Variants in CSTPP1 observed in about 807,000 individuals in gnomAD.
CSTPP1 encodes centriolar satellite-associated tubulin polyglutamylase complex regulator 1, also known as UPF0705 protein C11orf49.
the CSTPP1 span, among the ~76,000 whole-genome samples, chr11:47,121,339 G>A: frequency 6.6e-6 from 1 of 152,104 alleles, no homozygotes; most frequent in Non-Finnish European, 1.5e-5. Flanking sequence ...TTAGCCACAC[G>A]AGCTTTTGTA....
the CSTPP1 span, among the ~76,000 whole-genome samples, chr11:47,150,890 T>G: frequency 1.4e-5 from 2 of 146,304 alleles, no homozygotes; most frequent in African/African-American, 2.5e-5. Context: ...AAGGTTTTTT[T>G]TTTTTTTTTT....
the CSTPP1 span, chr11:47,161,050 G>A: frequency 6.3e-7 from 1 of 1,582,650 alleles, no homozygotes; most frequent in African/African-American, 1.3e-5. Context: ...CAGCCGTGAA[G>A]GTGAGGGGCA....
chr11:47,102,236 T>G, the CSTPP1 span, among the ~76,000 whole-genome samples: 1 of 152,184 alleles, frequency 6.6e-6, no homozygotes, highest in Non-Finnish European at 1.5e-5. Flanking sequence ...AAAAGGATTT[T>G]GATCTCTTTT....
the CSTPP1 span, among the ~76,000 whole-genome samples, chr11:47,065,913 T>C: frequency 2.0e-5 from 3 of 151,892 alleles, no homozygotes; most frequent in Non-Finnish European, 4.4e-5. Flanking sequence ...CAGCATGTAA[T>C]TGATTTTTGT....
the CSTPP1 span, among the ~76,000 whole-genome samples, chr11:46,959,171 G>A: frequency 6.6e-6 from 1 of 150,560 alleles, no homozygotes; most frequent in Non-Finnish European, 1.5e-5. Flanking sequence ...AATATTAATT[G>A]TAGAGTTTCT....
chr11:47,107,858 C>T, the CSTPP1 span, among the ~76,000 whole-genome samples: 1 of 152,200 alleles, frequency 6.6e-6, no homozygotes, highest in East Asian at 1.9e-4. Context: ...GTACAATTCC[C>T]CCCCAGTTCC....
chr11:47,091,443 T>G, the CSTPP1 span, among the ~76,000 whole-genome samples: 1 of 152,172 alleles, frequency 6.6e-6, no homozygotes, highest in African/African-American at 2.4e-5. Flanking sequence ...CAAAGTGAAG[T>G]CTGAGTACCT....
chr11:47,160,293 CTG>C, the CSTPP1 span: 2 of 111,248 alleles, frequency 1.8e-5, no homozygotes, highest in Non-Finnish European at 1.7e-5. Context: ...AAGCAAAACT[CTG>C]TCTCAAAAAA....
the CSTPP1 span, among the ~76,000 whole-genome samples, chr11:47,032,867 A>T: frequency 6.6e-6 from 1 of 152,148 alleles, no homozygotes; most frequent in Non-Finnish European, 1.5e-5. Context: ...ATAATTTTGG[A>T]CTCACCAAGA....
chr11:47,099,171 G>A, the CSTPP1 span, among the ~76,000 whole-genome samples: 1 of 152,102 alleles, frequency 6.6e-6, no homozygotes, highest in African/African-American at 2.4e-5. Flanking sequence ...GTAACTTTGA[G>A]CGAATTATTT....
the CSTPP1 span, among the ~76,000 whole-genome samples, chr11:47,134,331 C>T: frequency 6.6e-6 from 1 of 152,128 alleles, no homozygotes; most frequent in African/African-American, 2.4e-5. Flanking sequence ...AGCTGGATTA[C>T]AGGCACCTGC....
the CSTPP1 span, among the ~76,000 whole-genome samples, chr11:47,016,397 C>CAAAAAAAAAAAAAAAAAAAAA: frequency 2.7e-5 from 2 of 74,692 alleles, no homozygotes; most frequent in African/African-American, 6.1e-5. Flanking sequence ...CTACAAAAAA[C>CAAAAAAAAAAAAAAAAAAAAA]AAAAAACAAA....
the CSTPP1 span, among the ~76,000 whole-genome samples, chr11:47,095,370 A>G: frequency 3.3e-5 from 5 of 152,236 alleles, no homozygotes; most frequent in Non-Finnish European, 5.9e-5. Context: ...GTCAAAAGGA[A>G]AAATACTCAC....
At chr11:46,978,316 G>C in the CSTPP1 span, among the ~76,000 whole-genome samples, 20 of 152,170 alleles carry the variant, frequency 1.3e-4, no homozygotes, top group Non-Finnish European at 2.5e-4. Context: ...ATCACTTCTG[G>C]CTGGGACAGA....
chr11:47,019,064 A>G, the CSTPP1 span, among the ~76,000 whole-genome samples: 1 of 151,932 alleles, frequency 6.6e-6, no homozygotes, highest in African/African-American at 2.4e-5. Context: ...CTGGAATGCA[A>G]TGGTGCAATC....
chr11:47,047,399 A>T, the CSTPP1 span, among the ~76,000 whole-genome samples: 1 of 132,380 alleles, frequency 7.6e-6, no homozygotes, highest in East Asian at 2.0e-4. Context: ...AAACATATAG[A>T]CCACTGGAAT....
chr11:47,127,186 C>G, the CSTPP1 span, among the ~76,000 whole-genome samples: 1 of 152,148 alleles, frequency 6.6e-6, no homozygotes, highest in Non-Finnish European at 1.5e-5. Flanking sequence ...ACCACTTATG[C>G]GGCAATTTTG....
the CSTPP1 span, among the ~76,000 whole-genome samples, chr11:47,129,128 C>T: frequency 6.6e-6 from 1 of 152,162 alleles, no homozygotes; most frequent in Non-Finnish European, 1.5e-5. Flanking sequence ...TGTAACAACA[C>T]CTGCTTCTTG....
the CSTPP1 span, among the ~76,000 whole-genome samples, chr11:47,074,090 G>C: frequency 2.0e-5 from 3 of 152,268 alleles, no homozygotes; most frequent in East Asian, 3.9e-4. Context: ...TGTAATCCCA[G>C]CTACTTGGGA....
Sources: gnomAD v4.1 joint callset for allele counts (sites outside exome capture counted in the v4.1 genomes callset) on GRCh38, gnomAD v4.1.1 for gene constraint, MANE v1.5 for transcripts, NCBI Gene and HGNC (gene_info 2026-07-23, HGNC 2026-07-21) for gene names.